CEP164: variants seen among roughly 807,000 people sequenced by gnomAD.
The protein encoded by CEP164 is centrosomal protein of 164 kDa.
Under a neutral mutation model 182.7 loss-of-function variants are expected in CEP164, and 162 were observed. That is an observed-to-expected ratio of 0.89 (90% CI 0.78 to 1.01). CEP164 has a LOEUF of 1.01. Ranked by LOEUF, CEP164 falls within the 50% of genes least tolerant of loss-of-function variation. CEP164 has a pLI of 0.00. For synonymous variants in CEP164, 661 were observed against 690.0 expected, an observed-to-expected ratio of 0.96 and a Z score of 0.66; for missense variants, 1,735 against 1,790.4, an observed-to-expected ratio of 0.97 and a Z score of 0.56.
intron 11 of CEP164, among the ~76,000 whole-genome samples, chr11:117,378,168 A>G (rs1386421692): frequency 6.6e-6 from 1 of 152,146 alleles, no homozygotes; most frequent in Non-Finnish European, 1.5e-5. Context: ...CGTGCTCGGC[A>G]AACATAATAC....
upstream of CEP164, among the ~76,000 whole-genome samples, chr11:117,324,411 C>T (rs949829487): frequency 1.1e-4 from 16 of 150,588 alleles, no homozygotes; most frequent in Middle Eastern, 3.4e-3. Context: ...TGCACCACTG[C>T]ACTCCAGCCT....
In CEP164 at chr11:117,345,875, C is replaced by T. The variant is rs550884674; in HGVS notation, c.194+1598C>T. 7.9e-5 allele frequency among the ~76,000 whole-genome samples: 12 copies of T among 152,214 alleles called. No individual in the cohort carries two copies. The South Asian group carries it at 1.0e-3, about 13-fold the overall frequency. ...GCTAATTTTGTATTTTTAGTAGAGA[C>T]GGGGTTTCGCCATGTTGGCCAGGCT... On this transcript the variant is annotated intron_variant, in intron 4 of 32. Transcript: ENST00000278935.
rs531868694 is a variant in CEP164, at chr11:117,390,817, G to A, written c.1975G>A (p.Glu659Lys). Reference protein sequence around the residue: ...ERLQKAIEEEEARMREEESQR... With the variant: ...ERLQKAIEEEKARMREEESQR... ...GCTGCAGAAAGCCATTGAGGAGGAG[G>A]AGGCCCGGATGAGAGAGGAGGAAAG... Residue 659 changes from glutamate to lysine, a missense_variant, in exon 16 of 33, where the codon GAG becomes AAG. Coordinates refer to ENST00000278935, the MANE Select transcript of CEP164 (RefSeq NM_014956.5). 10 of 1,613,776 alleles carry A rather than the reference G, an allele frequency of 6.2e-6. No individual in the cohort carries two copies. Among genetic ancestry groups the A allele is most frequent in the Non-Finnish European group, 8.5e-6 (10 of 1,179,980 alleles).
rs765176619 is a variant in CEP164 at position 117,410,857 on chromosome 11, A to C, written c.4126A>C (p.Thr1376Pro). Residue 1376 changes from threonine to proline, a missense_variant, in exon 31 of 33, where the codon ACC (threonine) becomes CCC (proline). By Grantham distance (38) the Thr-to-Pro change is conservative. Transcript: ENST00000278935. ...CATCCCGCTGCTCAGCAACAGCCCC[A>C]CCCCGCTGGAGAGCAGGCTGGGTTA... ...SGIPLLSNSP[T>P]PLESRLGYMS... is the part of the protein sequence containing the mutation. 4 of 1,612,918 alleles carry C rather than the reference A, an allele frequency of 2.5e-6. No homozygotes were observed. The highest frequency in any genetic ancestry group is 3.4e-6 in the Non-Finnish European group (4 of 1,179,564).
At chr11:117,390,718 G>T in intron 15 of CEP164, 59 bp from the exon 16 acceptor site, 2 of 1,606,074 alleles carry the variant, frequency 1.2e-6, no homozygotes, top group East Asian at 2.2e-5. Context: ...CATAGCTTAT[G>T]AATAGAAGAA....
At chr11:117,348,133 C>T (rs1380033709) in intron 4 of CEP164, among the ~76,000 whole-genome samples, 1 of 151,906 alleles carries the variant, frequency 6.6e-6, no homozygotes, top group East Asian at 1.9e-4. Context: ...CCATGCCTGG[C>T]TAATTTTTGT....
intron 6 of CEP164, 127 bp from the exon 7 acceptor site, chr11:117,362,277 T>A (rs1592163050): frequency 3.7e-6 from 4 of 1,072,568 alleles, no homozygotes; most frequent in Non-Finnish European, 5.4e-6. Context: ...AGTCGCCAGG[T>A]CAGCTTCATG....
intron 17 of CEP164, 97 bp downstream of exon 17, chr11:117,391,312 G>A: frequency 1.6e-6 from 2 of 1,220,960 alleles, no homozygotes; most frequent in Admixed American, 2.1e-5. Context: ...AGTCTCGGGT[G>A]GGCGTGCAGG....
intron 5 of CEP164, chr11:117,355,229 T>A: frequency 7.8e-7 from 1 of 1,289,684 alleles, no homozygotes; most frequent in Non-Finnish European, 1.0e-6. Context: ...CAGGAGAGAA[T>A]TAGGTGATCA....
Position 117,412,068 on chromosome 11 carries a change from C to T in CEP164, c.4287-4C>T, listed in dbSNP as rs1321425766. On this transcript the variant is annotated splice_region_variant and splice_polypyrimidine_tract_variant and intron_variant, in intron 32 of 32. Transcript: ENST00000278935. ...ACTGCAGTTTTCCTTCACCTTGTGGCCAGACCTCTCTTCTCGTCAACACCC... is the reference window on the plus strand; with the variant it reads ...ACTGCAGTTTTCCTTCACCTTGTGGTCAGACCTCTCTTCTCGTCAACACCC... 5 of 1,613,888 alleles carry T rather than the reference C, an allele frequency of 3.1e-6. No individual in the cohort carries two copies. The highest frequency in any genetic ancestry group is 4.2e-6 in the Non-Finnish European group (5 of 1,179,920).
intron 1 of CEP164, among the ~76,000 whole-genome samples, chr11:117,331,981 A>AATAT (rs56696952): frequency 0.089 from 12,714 of 142,074 alleles, 601 homozygotes; most frequent in African/African-American, 0.11. Flanking sequence ...ATGCCTGGCT[A>AATAT]ATATATATAT....
At position 117,395,566 on chromosome 11, in the gene CEP164, A is replaced by AG; in HGVS notation, c.2934dup (p.Gln979AlafsTer24). On this transcript the variant is annotated frameshift_variant, in exon 24 of 33. Coordinates refer to ENST00000278935, the MANE Select transcript of CEP164 (RefSeq NM_014956.5). LOFTEE classifies it high-confidence loss of function. ...CCCTAGGAAGCCACAGCCACCCATC[A>AG]GCAGCTGGAGGAGGCACAGAAGGAG... The AG allele has an allele frequency of 6.2e-7, 1 of 1,612,260 alleles. No individual in the cohort carries two copies. Among genetic ancestry groups the AG allele is most frequent in the Non-Finnish European group, 8.5e-7 (1 of 1,179,124 alleles).
At chr11:117,355,220 A>G in intron 5 of CEP164, 5 of 1,289,884 alleles carry the variant, frequency 3.9e-6, no homozygotes, top group Non-Finnish European at 5.1e-6. Context: ...AGCCCAATGC[A>G]GGAGAGAATT....
chr11:117,328,528 T>C (rs1180776254), intron 1 of CEP164, among the ~76,000 whole-genome samples: 4 of 152,198 alleles, frequency 2.6e-5, no homozygotes, highest in East Asian at 1.9e-4. Flanking sequence ...TCCTTGGCAG[T>C]AGAAAGCTCC....
At chr11:117,335,791 C>T (rs1308684450) in intron 2 of CEP164, 111 bp downstream of exon 2, 3 of 161,750 alleles carry the variant, frequency 1.9e-5, no homozygotes, top group Non-Finnish European at 4.0e-5. Context: ...GTATTTGCCA[C>T]TAAATTCCCC....
chr11:117,325,844 T>G (rs1048402613), upstream of CEP164, among the ~76,000 whole-genome samples: 5 of 152,008 alleles, frequency 3.3e-5, no homozygotes, highest in Admixed American at 1.3e-4. Context: ...GAAAATGATA[T>G]TTATTTAGAA....
At chr11:117,342,951 A>G (rs1441780958) in intron 3 of CEP164, among the ~76,000 whole-genome samples, 3 of 152,008 alleles carry the variant, frequency 2.0e-5, no homozygotes, top group African/African-American at 4.8e-5. Context: ...TCTCAGGCTC[A>G]TTGCTGGCTG....
intron 5 of CEP164, chr11:117,355,446 A>C: frequency 1.6e-6 from 2 of 1,289,814 alleles, no homozygotes; most frequent in Non-Finnish European, 2.0e-6. Context: ...GAAGCCATCA[A>C]AGGCCTGCCA....
In CEP164 at chr11:117,411,460, T is replaced by C. The variant is rs1041908030; in HGVS notation, c.4164-335T>C. The C allele has an allele frequency of 3.1e-6, 1 of 320,142 alleles. No individual in the cohort carries two copies. The highest frequency in any genetic ancestry group is 3.6e-5 in the South Asian group (1 of 27,600). The allele number at this position is 320,142 out of a possible 1,614,324, so 19.8% of individuals were successfully genotyped here. On this transcript the variant is annotated intron_variant, in intron 31 of 32. Transcript: ENST00000278935. The surrounding 1 kb of genome is among the most constrained non-coding windows in gnomAD (Gnocchi z 4.4). The stretch of plus-strand genomic sequence containing the variant: ...ACAGTGAGTACCCCCCACTAACCCT[T>C]TGGCCAACTTGAGAGCTGATGCTGG...
Sources: gnomAD v4.1 joint callset for allele counts (sites outside exome capture counted in the v4.1 genomes callset) on GRCh38, gnomAD v4.1.1 for gene constraint, Gnocchi (gnomAD v3.1) non-coding constraint, MANE v1.5 for transcripts, NCBI Gene and HGNC (gene_info 2026-07-23, HGNC 2026-07-21) for gene names.